The following ZFP1 variants were observed in gnomAD, a reference collection of about 807,000 sequenced individuals.
ZFP1 encodes zinc finger protein 1 homolog.
In ZFP1, 32 loss-of-function variants were observed where a neutral mutation model predicts 38.5. The ratio of observed to expected loss-of-function variants is 0.83; its 90% CI spans 0.63 to 1.12. The LOEUF is 1.12. Ranked by LOEUF, ZFP1 falls within the 50% of genes most tolerant of loss-of-function variation. The pLI is 0.00. For missense variants in ZFP1, 616 were observed against 480.8 expected, an observed-to-expected ratio of 1.28 and a Z score of -2.63; for synonymous variants, 245 against 168.8, an observed-to-expected ratio of 1.45 and a Z score of -3.50.
chr16:75,151,210 A>G (rs2037189815), intron 1 of ZFP1, among the ~76,000 whole-genome samples: 1 of 151,246 alleles, frequency 6.6e-6, no homozygotes, highest in Non-Finnish European at 1.5e-5. Context: ...GACTCCTACA[A>G]CTGATCATCC....
At chr16:75,138,882 A>G in the ZFP1 span, among the ~76,000 whole-genome samples, 2 of 152,176 alleles carry the variant, frequency 1.3e-5, no homozygotes. Context: ...GCTGCCCAGT[A>G]TGTGGTCCTT....
intron 2 of ZFP1, among the ~76,000 whole-genome samples, chr16:75,161,599 T>C (rs189918212): frequency 3.5e-4 from 53 of 150,866 alleles, no homozygotes; most frequent in African/African-American, 1.3e-3. Flanking sequence ...CTTTCAGTCT[T>C]CTTACTTGTA....
intron 1 of ZFP1, chr16:75,148,848 G>C (rs537953654): frequency 1.3e-5 from 2 of 152,496 alleles, no homozygotes; most frequent in African/African-American, 4.8e-5. Flanking sequence ...TGCGGGGGCG[G>C]GGACGGCGGA....
the ZFP1 span, among the ~76,000 whole-genome samples, chr16:75,119,304 G>C: frequency 4.1e-4 from 63 of 152,220 alleles, no homozygotes; most frequent in East Asian, 0.011. Flanking sequence ...AAACCAATAG[G>C]ACAATTTGCT....
Position 75,170,435 on chromosome 16 carries a change from G to C in ZFP1, c.*101G>C. 7.1e-7 allele frequency: 1 copy of C among 1,411,590 alleles called. No homozygotes were observed. The highest frequency in any genetic ancestry group is 9.3e-7 in the Non-Finnish European group (1 of 1,075,380). 87.4% of individuals were successfully genotyped at this position (1,411,590 alleles called of 1,614,324 possible). A position where few individuals can be genotyped will look rare whatever the true frequency, so the allele number is the denominator to read the frequency against. ...GAGGGAACATGGGAATTCATACTGAGATGCAATCTCTCAACTCAAAAATGT... is the reference window on the plus strand; with the variant it reads ...GAGGGAACATGGGAATTCATACTGACATGCAATCTCTCAACTCAAAAATGT... On this transcript the variant is annotated 3_prime_UTR_variant, in exon 4 of 4. Coordinates refer to ENST00000570010, the MANE Select transcript of ZFP1 (RefSeq NM_153688.4).
the ZFP1 span, among the ~76,000 whole-genome samples, chr16:75,135,879 A>G: frequency 1.3e-5 from 2 of 152,190 alleles, no homozygotes; most frequent in Non-Finnish European, 2.9e-5. Context: ...CAGTGGCCCA[A>G]TCTTGGCTCA....
rs765265231 is a variant in ZFP1, at chr16:75,169,991, G to A, written c.881G>A (p.Arg294Gln). Residue 294 changes from arginine (R) to glutamine (Q), a missense_variant, in exon 4 of 4, where the codon CGA becomes CAA. Transcript: ENST00000570010. ...TTHQRIHTGE[R>Q]PYECNECAKT... Reference sequence around the variant, plus strand: ...CACCAGAGAATTCATACAGGAGAGCGACCCTATGAGTGTAACGAATGTGCA... The same window carrying A: ...CACCAGAGAATTCATACAGGAGAGCAACCCTATGAGTGTAACGAATGTGCA... 4.3e-6 allele frequency: 7 copies of A among 1,613,980 alleles called. No individual in the cohort carries two copies. The highest frequency in any genetic ancestry group is 2.2e-5 in the East Asian group (1 of 44,868).
chr16:75,143,647 C>T (rs1301570017), upstream of ZFP1, among the ~76,000 whole-genome samples: 59 of 93,720 alleles, frequency 6.3e-4, no homozygotes, highest in East Asian at 2.6e-3. Context: ...GGAGGTGAAT[C>T]TTTTTTTTTT....
chr16:75,123,031 A>T, the ZFP1 span, among the ~76,000 whole-genome samples: 31 of 152,294 alleles, frequency 2.0e-4, no homozygotes, highest in South Asian at 6.4e-3. Context: ...TAAATAATAG[A>T]GATTTTATTA....
At chr16:75,126,125 ATTC>A in the ZFP1 span, 2 of 151,466 alleles carry the variant, frequency 1.3e-5, no homozygotes, top group African/African-American at 4.8e-5. Flanking sequence ...GGTTAAATGA[ATTC>A]TTCTTTTAAT....
the ZFP1 span, among the ~76,000 whole-genome samples, chr16:75,122,314 G>C: frequency 1.3e-5 from 2 of 152,334 alleles, no homozygotes; most frequent in African/African-American, 4.8e-5. Flanking sequence ...CAGCCGGAGT[G>C]GCAGGGTGAG....
At chr16:75,163,408 T>C (rs1403156603) in intron 2 of ZFP1, among the ~76,000 whole-genome samples, 1 of 151,348 alleles carries the variant, frequency 6.6e-6, no homozygotes, top group Non-Finnish European at 1.5e-5. Context: ...GCCTCCCGGG[T>C]TCAAGCAATT....
the ZFP1 span, among the ~76,000 whole-genome samples, chr16:75,127,084 C>T: frequency 6.6e-6 from 1 of 152,172 alleles, no homozygotes; most frequent in Admixed American, 6.6e-5. Context: ...GCAGAAGTAA[C>T]AAATTTCCTT....
At chr16:75,167,074 G>C (rs1489983391) in intron 3 of ZFP1, among the ~76,000 whole-genome samples, 178 bp downstream of exon 3, 3 of 152,206 alleles carry the variant, frequency 2.0e-5, no homozygotes, top group African/African-American at 7.2e-5. Flanking sequence ...TAAGGCTTCT[G>C]AAGTCCAGGC....
chr16:75,156,819 A>C (rs1297813024), intron 2 of ZFP1, among the ~76,000 whole-genome samples: 1 of 152,254 alleles, frequency 6.6e-6, no homozygotes, highest in African/African-American at 2.4e-5. Flanking sequence ...GATCCAAGGC[A>C]GTCTGGTATG....
upstream of ZFP1, among the ~76,000 whole-genome samples, chr16:75,143,647 C>CTTTTTTTTTTTT (rs386385080): frequency 2.1e-5 from 2 of 93,794 alleles, no homozygotes; most frequent in African/African-American, 8.5e-5. Context: ...GGAGGTGAAT[C>CTTTTTTTTTTTT]TTTTTTTTTT....
intron 2 of ZFP1, among the ~76,000 whole-genome samples, chr16:75,153,681 G>T (rs923515792): frequency 6.6e-5 from 10 of 152,020 alleles, no homozygotes; most frequent in African/African-American, 2.4e-4. Context: ...TATTGTTACA[G>T]TTGATGAGCC....
At chr16:75,140,209 G>C in the ZFP1 span, among the ~76,000 whole-genome samples, 1 of 151,852 alleles carries the variant, frequency 6.6e-6, no homozygotes, top group African/African-American at 2.4e-5. Context: ...TAGACGTTGC[G>C]GTGAGCTGAG....
intron 2 of ZFP1, among the ~76,000 whole-genome samples, chr16:75,163,024 C>T (rs2037864053): frequency 6.6e-6 from 1 of 151,696 alleles, no homozygotes; most frequent in South Asian, 2.1e-4. Flanking sequence ...ATTCTTCTGC[C>T]TCAGCCTCCC....
Sources: allele counts gnomAD v4.1 joint callset (sites outside exome capture counted in the v4.1 genomes callset), GRCh38; gene constraint gnomAD v4.1.1; transcripts MANE v1.5; gene names NCBI Gene and HGNC (gene_info 2026-07-23, HGNC 2026-07-21).